DISC1: variants seen among roughly 807,000 people sequenced by gnomAD.
DISC1 encodes the protein DISC1 scaffold protein.
In DISC1, 57 loss-of-function variants were observed where a neutral mutation model predicts 84.5. The ratio of observed to expected loss-of-function variants is 0.67; its 90% CI spans 0.55 to 0.84. The LOEUF (loss-of-function observed/expected upper bound fraction) is 0.84, where lower values mean the gene tolerates loss of function less well. Among genes scored for constraint, DISC1 ranks in the 40% least tolerant of loss-of-function variants. The probability of loss-of-function intolerance (pLI) is 0.00; values close to 1 mark genes in which losing one functional copy is unlikely to be tolerated. For synonymous variants in DISC1, 411 were observed against 415.2 expected (o/e 0.99, Z 0.12); for missense variants, 1,000 against 1,057.8 (o/e 0.95, Z 0.76).
chr1:231,656,274 T>C (rs1414757784), intron 1 of DISC1, among the ~76,000 whole-genome samples: 1 of 152,164 alleles, frequency 6.6e-6, no homozygotes, highest in Non-Finnish European at 1.5e-5. Context: ...TAGTGAGAGA[T>C]AGAGATCCAG....
rs1670707043 is a variant in DISC1 at position 232,039,827 on chromosome 1, T to C, written c.*2996T>C. ...AAAGCACATACTGGAAATGATGAGT[T>C]AGAATCTGATTTGACTGGGATGTTT... On this transcript the variant is annotated 3_prime_UTR_variant, in exon 13 of 13. Coordinates refer to ENST00000439617, the MANE Select transcript of DISC1 (RefSeq NM_018662.3). 1 of 152,114 alleles carries C rather than the reference T, an allele frequency of 6.6e-6. No homozygotes were observed. Among genetic ancestry groups the C allele is most frequent in the Non-Finnish European group, 1.5e-5 (1 of 68,018 alleles). The allele number at this position is 152,114 out of a possible 1,614,324, so 9.4% of individuals were successfully genotyped here. A position where few individuals can be genotyped will look rare whatever the true frequency, so the allele number is the denominator to read the frequency against.
At chr1:231,699,540 C>T (rs1053926999) in intron 2 of DISC1, among the ~76,000 whole-genome samples, 2 of 152,132 alleles carry the variant, frequency 1.3e-5, no homozygotes, top group Admixed American at 6.5e-5. Flanking sequence ...ATTTAACCAG[C>T]GGTCTTCTGA....
At chr1:231,940,105 C>T (rs2091228728) in intron 9 of DISC1, among the ~76,000 whole-genome samples, 1 of 151,992 alleles carries the variant, frequency 6.6e-6, no homozygotes. Flanking sequence ...GGACACCTCC[C>T]TCACCTCCAC....
At chr1:232,008,696 G>A in intron 10 of DISC1, 89 bp from the exon 11 acceptor site, 1 of 1,444,892 alleles carries the variant, frequency 6.9e-7, no homozygotes. Context: ...ATGACCAGCT[G>A]ACTTTTAGCC....
intron 9 of DISC1, among the ~76,000 whole-genome samples, chr1:231,886,485 T>C (rs1299503217): frequency 6.6e-6 from 1 of 152,200 alleles, no homozygotes; most frequent in Non-Finnish European, 1.5e-5. Context: ...ATTTTTTCAC[T>C]CCTCCTTCCC....
intron 11 of DISC1, among the ~76,000 whole-genome samples, chr1:232,026,011 T>G (rs1382110254): frequency 6.6e-6 from 1 of 152,186 alleles, no homozygotes; most frequent in Non-Finnish European, 1.5e-5. Flanking sequence ...CCCTAGTCAA[T>G]TCCTGTGTCC....
chr1:232,002,625 A>G (rs1473300567), intron 10 of DISC1, among the ~76,000 whole-genome samples: 1 of 149,798 alleles, frequency 6.7e-6, no homozygotes, highest in Non-Finnish European at 1.5e-5. Flanking sequence ...ACACACACAC[A>G]CACACACACA....
intron 9 of DISC1, among the ~76,000 whole-genome samples, chr1:231,939,749 A>G (rs756498573): frequency 1.4e-5 from 2 of 146,492 alleles, no homozygotes; most frequent in African/African-American, 2.5e-5. Context: ...TGCTTATTCT[A>G]TTTTTTTTTT....
At chr1:232,003,188 TA>T in intron 10 of DISC1, among the ~76,000 whole-genome samples, 1 of 152,286 alleles carries the variant, frequency 6.6e-6, no homozygotes, top group African/African-American at 2.4e-5. Flanking sequence ...AATCCAAAGA[TA>T]AAATCTTAGA....
At chr1:231,871,994 T>C (rs1218207465) in intron 9 of DISC1, among the ~76,000 whole-genome samples, 1 of 152,192 alleles carries the variant, frequency 6.6e-6, no homozygotes, top group East Asian at 1.9e-4. Flanking sequence ...CACCTGGACT[T>C]CCTCTGGCTT....
chr1:231,849,955 G>A (rs1405211941), intron 9 of DISC1, among the ~76,000 whole-genome samples: 1 of 152,214 alleles, frequency 6.6e-6, no homozygotes, highest in Non-Finnish European at 1.5e-5. Flanking sequence ...AACTTTGGAA[G>A]CATGAGACAG....
intron 9 of DISC1, among the ~76,000 whole-genome samples, chr1:231,886,831 CT>C (rs1414941229): frequency 7.8e-5 from 9 of 114,888 alleles, no homozygotes; most frequent in Non-Finnish European, 3.7e-5. Flanking sequence ...TTCTTTCTTT[CT>C]TTCCTTCTTT....
intron 9 of DISC1, among the ~76,000 whole-genome samples, chr1:231,926,761 G>A (rs944592742): frequency 9.2e-5 from 14 of 152,192 alleles, no homozygotes; most frequent in African/African-American, 3.4e-4. Context: ...TTAAAGGCAA[G>A]GGCAGAGATT....
chr1:231,898,050 C>T (rs927607157), intron 9 of DISC1, among the ~76,000 whole-genome samples: 2 of 152,156 alleles, frequency 1.3e-5, no homozygotes, highest in African/African-American at 4.8e-5. Flanking sequence ...GAGAAAGATA[C>T]AGCCACATTA....
Position 231,634,164 on chromosome 1 carries a change from G to C in DISC1, c.67+7230G>C, listed in dbSNP as rs2058990265. On this transcript the variant is annotated intron_variant, in intron 1 of 12. Coordinates refer to ENST00000439617, the MANE Select transcript of DISC1 (RefSeq NM_018662.3). ...TTCTCAAAGTGCTGGGATTACAGGAGTGAGCCACCGCGCCTGGCCTGTACC... is the reference window on the plus strand; with the variant it reads ...TTCTCAAAGTGCTGGGATTACAGGACTGAGCCACCGCGCCTGGCCTGTACC... Among the ~76,000 whole-genome samples, 3 of 152,082 alleles carry C rather than the reference G, an allele frequency of 2.0e-5. No homozygotes were observed. The South Asian group carries it at 6.2e-4, about 32-fold the overall frequency.
chr1:231,635,436 C>T (rs138732453), intron 1 of DISC1, among the ~76,000 whole-genome samples: 134 of 152,056 alleles, frequency 8.8e-4, no homozygotes, highest in African/African-American at 3.2e-3. Context: ...ATCAATAATG[C>T]TTCTCAGCCT....
In DISC1 at chr1:231,714,628, GGA is replaced by G. The variant is rs919392527; in HGVS notation, c.1117+12615_1117+12616del. ...GAGAAGAGAGAGAAACAGAGAGAGA[GGA>G]GAGAGAGAGAAAGAGATAGAGAAAG... On this transcript the variant is annotated intron_variant, in intron 3 of 12. Coordinates refer to ENST00000439617, the MANE Select transcript of DISC1 (RefSeq NM_018662.3). Among the ~76,000 whole-genome samples, 217 of 150,994 alleles carry G rather than the reference GGA, an allele frequency of 1.4e-3. 1 individual carries two copies. The highest frequency in any genetic ancestry group is 0.014 in the Middle Eastern group (4 of 290).
chr1:231,909,968 G>A (rs1170900607), intron 9 of DISC1, among the ~76,000 whole-genome samples: 2 of 152,170 alleles, frequency 1.3e-5, no homozygotes, highest in African/African-American at 4.8e-5. Flanking sequence ...TTGCATAGAG[G>A]TGTTTATAGT....
At chr1:231,888,762 G>A (rs1156455296) in intron 9 of DISC1, among the ~76,000 whole-genome samples, 5 of 121,586 alleles carry the variant, frequency 4.1e-5, no homozygotes, top group African/African-American at 1.6e-4. Flanking sequence ...AAAAAAAAAA[G>A]AGTGTCCACC....
Sources: gnomAD v4.1 joint callset for allele counts (sites outside exome capture counted in the v4.1 genomes callset) on GRCh38, gnomAD v4.1.1 for gene constraint, MANE v1.5 for transcripts, NCBI Gene and HGNC (gene_info 2026-07-23, HGNC 2026-07-21) for gene names.